AGTPBP1: variants seen among roughly 807,000 people sequenced by gnomAD.
The protein encoded by AGTPBP1 is cytosolic carboxypeptidase 1.
A neutral mutation model predicts 143.9 loss-of-function variants in AGTPBP1; 70 were observed. The observed-to-expected ratio is 0.49, with a 90% CI of 0.40 to 0.59. The LOEUF (loss-of-function observed/expected upper bound fraction) is 0.59, where lower values mean the gene tolerates loss of function less well. Among genes scored for constraint, AGTPBP1 ranks in the 20% least tolerant of loss-of-function variants. The probability of loss-of-function intolerance (pLI) is 0.00; values close to 1 mark genes in which losing one functional copy is unlikely to be tolerated. For missense variants in AGTPBP1, 1,229 were observed against 1,464.5 expected, an observed-to-expected ratio of 0.84 and a Z score of 2.62; for synonymous variants, 463 against 500.2, an observed-to-expected ratio of 0.93 and a Z score of 0.99.
At chr9:85,553,488 A>G (rs1263893596) in intron 25 of AGTPBP1, among the ~76,000 whole-genome samples, 2 of 152,204 alleles carry the variant, frequency 1.3e-5, no homozygotes, top group East Asian at 3.9e-4. Context: ...AGGCTAAGCT[A>G]TGATGTTTGG....
rs1825784496 is a variant in AGTPBP1 at position 85,547,229 on chromosome 9, G to A, written c.3561C>T (p.Tyr1187=). 1 of 1,612,984 alleles carries A rather than the reference G, an allele frequency of 6.2e-7. No individual in the cohort carries two copies. Among genetic ancestry groups the A allele is most frequent in the African/African-American group, 1.3e-5 (1 of 74,866 alleles). The change falls in exon 26 of 26, where the codon TAC becomes TAT. Residue 1187 remains tyrosine (Y), a synonymous_variant. Coordinates refer to ENST00000357081, the MANE Select transcript of AGTPBP1 (RefSeq NM_001330701.2). ...DEPRFLEEVD[Y]SAESNDELDI... is the part of the protein sequence containing the mutation. The stretch of plus-strand genomic sequence containing the variant: ...CTAACTCATCATTACTTTCTGCACT[G>A]TAATCAACTTCTTCAAGGAATCGAG...
chr9:85,712,380 T>G, intron 2 of AGTPBP1, 122 bp downstream of exon 2: 1 of 466,526 alleles, frequency 2.1e-6, no homozygotes, highest in Non-Finnish European at 3.6e-6. Context: ...CATTTTTAAT[T>G]ACATAAATAT....
At chr9:85,740,191 A>C (rs892159886) in intron 1 of AGTPBP1, among the ~76,000 whole-genome samples, 4 of 152,208 alleles carry the variant, frequency 2.6e-5, no homozygotes, top group Non-Finnish European at 4.4e-5. Context: ...AATAGATTTA[A>C]ATGCTTTGCA....
rs112565067 is a variant in AGTPBP1 at position 85,634,193 on chromosome 9, C to CAAA, written c.1303-822_1303-820dup. On this transcript the variant is annotated intron_variant, in intron 13 of 25. Coordinates refer to ENST00000357081, the MANE Select transcript of AGTPBP1 (RefSeq NM_001330701.2). ...TGAGTGACAAAGTGAGACTCTCTCT[C>CAAA]AAAAAAAAAAAAAAAAAAAAAAAGG... 1.7e-3 allele frequency among the ~76,000 whole-genome samples: 94 copies of CAAA among 56,178 alleles called. 1 individual carries two copies. Among genetic ancestry groups the CAAA allele is most frequent in the East Asian group, 5.1e-3 (9 of 1,754 alleles). 36.9% of individuals were successfully genotyped at this position (56,178 alleles called of 152,430 possible).
chr9:85,721,746 A>AT, intron 1 of AGTPBP1, among the ~76,000 whole-genome samples: 1 of 152,136 alleles, frequency 6.6e-6, no homozygotes, highest in Non-Finnish European at 1.5e-5. Context: ...CTGTTAATTG[A>AT]TGCAGTTTCT....
intron 1 of AGTPBP1, among the ~76,000 whole-genome samples, chr9:85,731,056 G>T (rs1218794488): frequency 6.6e-6 from 1 of 152,184 alleles, no homozygotes; most frequent in Non-Finnish European, 1.5e-5. Context: ...GGGCCATGGA[G>T]TAGGAGAGGA....
chr9:85,575,094 C>T (rs1316085884), intron 25 of AGTPBP1, among the ~76,000 whole-genome samples: 1 of 152,110 alleles, frequency 6.6e-6, no homozygotes, highest in African/African-American at 2.4e-5. Context: ...CCAGTACAAC[C>T]ACTAAAAATA....
At chr9:85,586,796 G>T in intron 22 of AGTPBP1, 35 bp downstream of exon 22, 2 of 1,594,088 alleles carry the variant, frequency 1.3e-6, no homozygotes, top group South Asian at 2.2e-5. Flanking sequence ...TTTTATCTTT[G>T]ACTATCCCAA....
At chr9:85,793,486 G>C in the AGTPBP1 span, 1 of 152,062 alleles carries the variant, frequency 6.6e-6, no homozygotes, top group Non-Finnish European at 1.5e-5. Context: ...CAAGTATCTG[G>C]CAGTGTAAGG....
chr9:85,659,756 T>G (rs1213566064), intron 9 of AGTPBP1, among the ~76,000 whole-genome samples: 1 of 152,146 alleles, frequency 6.6e-6, no homozygotes, highest in Non-Finnish European at 1.5e-5. Flanking sequence ...CAATAGCTAT[T>G]CTAATCTACT....
chr9:85,740,803 G>A (rs939153866), intron 1 of AGTPBP1, among the ~76,000 whole-genome samples: 3 of 152,144 alleles, frequency 2.0e-5, no homozygotes, highest in Non-Finnish European at 4.4e-5. Flanking sequence ...ACACCTGAAG[G>A]AAAAAACCCA....
intron 17 of AGTPBP1, among the ~76,000 whole-genome samples, chr9:85,601,081 G>A (rs575260267): frequency 1.3e-5 from 2 of 152,216 alleles, no homozygotes; most frequent in East Asian, 1.9e-4. Context: ...ATTAACACAC[G>A]CCTTGCAAAC....
intron 23 of AGTPBP1, among the ~76,000 whole-genome samples, chr9:85,582,728 C>T (rs1427211972): frequency 6.6e-6 from 1 of 151,822 alleles, no homozygotes; most frequent in African/African-American, 2.4e-5. Flanking sequence ...TGTATTTTCC[C>T]GCAAAAACAT....
chr9:85,615,787 C>T (rs1326834776), intron 17 of AGTPBP1, among the ~76,000 whole-genome samples: 7 of 151,760 alleles, frequency 4.6e-5, no homozygotes, highest in Non-Finnish European at 8.8e-5. Context: ...AAAACATGCA[C>T]GTGTACCTGG....
At chr9:85,608,014 C>A (rs918942) in intron 17 of AGTPBP1, among the ~76,000 whole-genome samples, 21,287 of 151,956 alleles carry the variant, frequency 0.14, 2,123 homozygotes, top group East Asian at 0.51. Flanking sequence ...TCATCCCAAC[C>A]AAAGAAGAAA....
At chr9:85,611,358 A>G (rs1830308730) in intron 17 of AGTPBP1, among the ~76,000 whole-genome samples, 1 of 151,802 alleles carries the variant, frequency 6.6e-6, no homozygotes, top group African/African-American at 2.4e-5. Context: ...CCAACCTCTT[A>G]TTTATGAAAA....
chr9:85,741,905 A>G lies in AGTPBP1; in HGVS notation c.-164T>C. The G allele has an allele frequency of 2.2e-6, 3 of 1,335,984 alleles. No homozygotes were observed. The highest frequency in any genetic ancestry group is 1.9e-5 in the South Asian group (1 of 52,498). The allele number at this position is 1,335,984 out of a possible 1,614,324, so 82.8% of individuals were successfully genotyped here. A position where few individuals can be genotyped will look rare whatever the true frequency, so the allele number is the denominator to read the frequency against. ...CAAACCCCGGTGGCAGGCGAGGCGG[A>G]GGCGGCGGCGGCGGCAGCTGCGGCG... On this transcript the variant is annotated 5_prime_UTR_variant, in exon 1 of 26. Coordinates refer to ENST00000357081, the MANE Select transcript of AGTPBP1 (RefSeq NM_001330701.2).
chr9:85,552,578 G>C (rs75544310), intron 25 of AGTPBP1, among the ~76,000 whole-genome samples: 4,306 of 152,262 alleles, frequency 0.028, 93 homozygotes, highest in South Asian at 0.048. Flanking sequence ...TCCTCTCTCT[G>C]AGCACAGGTT....
rs543664794 is a variant in AGTPBP1, at chr9:85,555,383, A to G, written c.3504-8097T>C. ...GGGAGGCCGAGGCGGGTAGATCACG[A>G]GGTCAGGAAATCGAGACCATCCTGG... On this transcript the variant is annotated intron_variant, in intron 25 of 25. Coordinates refer to ENST00000357081, the MANE Select transcript of AGTPBP1 (RefSeq NM_001330701.2). Among the ~76,000 whole-genome samples, 14 of 152,186 alleles carry G rather than the reference A, an allele frequency of 9.2e-5. 1 individual carries two copies. In the South Asian group the frequency reaches 1.4e-3, roughly 16 times the overall value.
Sources: allele counts gnomAD v4.1 joint callset (sites outside exome capture counted in the v4.1 genomes callset), GRCh38; gene constraint gnomAD v4.1.1; transcripts MANE v1.5; gene names NCBI Gene and HGNC (gene_info 2026-07-23, HGNC 2026-07-21).